ABR: variants seen among roughly 807,000 people sequenced by gnomAD.
The protein encoded by ABR is ABR activator of RhoGEF and GTPase, also known as active breakpoint cluster region-related protein.
In ABR, 35 loss-of-function variants were observed where a neutral mutation model predicts 107.2. The ratio of observed to expected loss-of-function variants is 0.33; its 90% CI spans 0.25 to 0.43. The LOEUF (loss-of-function observed/expected upper bound fraction) is 0.43, where lower values mean the gene tolerates loss of function less well. Ranked by LOEUF, ABR falls within the 20% of genes least tolerant of loss-of-function variation. The pLI is 1.00. For synonymous variants in ABR, 498 were observed against 462.0 expected (o/e 1.08, Z -1.00); for missense variants, 815 against 1,115.2 (o/e 0.73, Z 3.83).
chr17:1,189,753 C>A (rs2042392733), upstream of ABR, among the ~76,000 whole-genome samples: 1 of 152,140 alleles, frequency 6.6e-6, no homozygotes, highest in Non-Finnish European at 1.5e-5. Flanking sequence ...AGGCCTGCGT[C>A]GTTCCCTGCT....
intron 16 of ABR, among the ~76,000 whole-genome samples, chr17:1,047,242 C>A (rs998421598): frequency 1.3e-5 from 2 of 152,268 alleles, no homozygotes; most frequent in Non-Finnish European, 2.9e-5. Context: ...CGCCTGCTGG[C>A]GGGCAGAAAG....
chr17:1,169,922 C>T (rs1294141414), intron 1 of ABR, among the ~76,000 whole-genome samples: 1 of 151,462 alleles, frequency 6.6e-6, no homozygotes, highest in Non-Finnish European at 1.5e-5. Context: ...ATCCCAACCG[C>T]CAAAGTCTAT....
intron 2 of ABR, among the ~76,000 whole-genome samples, chr17:1,102,703 C>T (rs1033656545): frequency 2.6e-5 from 4 of 152,114 alleles, no homozygotes; most frequent in African/African-American, 9.7e-5. Flanking sequence ...TTTAATTAAT[C>T]TATTTATTTA....
intron 1 of ABR, among the ~76,000 whole-genome samples, chr17:1,223,563 G>A (rs182394613): frequency 2.9e-4 from 44 of 152,132 alleles, no homozygotes; most frequent in African/African-American, 9.6e-4. Context: ...TCCAGGCCTC[G>A]TGATTCTCAT....
chr17:1,043,516 C>G (rs758513032), intron 16 of ABR, among the ~76,000 whole-genome samples: 52 of 151,876 alleles, frequency 3.4e-4, no homozygotes, highest in Middle Eastern at 6.8e-3. Context: ...TATTTCACTA[C>G]AATCTTTTAT....
At chr17:1,195,817 T>TAAAA (rs1438413543) in intron 1 of ABR, among the ~76,000 whole-genome samples, 1 of 124,812 alleles carries the variant, frequency 8.0e-6, no homozygotes, top group South Asian at 2.6e-4. Context: ...AAAAAAAAAT[T>TAAAA]ATTGGCCGGC....
chr17:1,221,070 G>A lies in ABR; in HGVS notation c.838+7723C>T, dbSNP rs558098647. On this transcript the variant is annotated intron_variant, in intron 1 of 22. Coordinates refer to the ABR transcript ENST00000574139. ...AAGACAATTGTGCCGTGTGGGGCCC[G>A]CTCTAAGAACCGCAAGATGGGTTGG... Among the ~76,000 whole-genome samples, 11 of 152,272 alleles carry A rather than the reference G, an allele frequency of 7.2e-5. No individual in the cohort carries two copies. In the South Asian group the frequency reaches 2.1e-3, roughly 29 times the overall value.
intron 5 of ABR, 41 bp downstream of exon 5, chr17:1,083,479 G>A (rs1264956714): frequency 2.0e-6 from 3 of 1,486,868 alleles, no homozygotes; most frequent in East Asian, 2.3e-5. Flanking sequence ...AGCCCCCAAA[G>A]CTCCTTGTCC....
At chr17:1,114,267 C>G (rs935938270) in intron 2 of ABR, among the ~76,000 whole-genome samples, 3 of 145,198 alleles carry the variant, frequency 2.1e-5, no homozygotes, top group African/African-American at 2.6e-5. Flanking sequence ...TTCAGGAGTT[C>G]GTGACCAGCC....
At chr17:1,196,145 A>T (rs1248052408) in intron 1 of ABR, among the ~76,000 whole-genome samples, 1 of 137,686 alleles carries the variant, frequency 7.3e-6, no homozygotes, top group Non-Finnish European at 1.6e-5. Context: ...AAAAAAAAAA[A>T]TAGGCAAGGT....
At chr17:1,125,142 C>T (rs758304158) in intron 2 of ABR, 41 bp downstream of exon 2, 1 of 1,527,176 alleles carries the variant, frequency 6.5e-7, no homozygotes, top group Non-Finnish European at 8.8e-7. Context: ...GCCTTCCCGT[C>T]ACCCCTCCCC....
chr17:1,117,811 G>GT (rs201149105), intron 2 of ABR, among the ~76,000 whole-genome samples: 29 of 27,560 alleles, frequency 1.1e-3, no homozygotes, highest in East Asian at 5.4e-3. Flanking sequence ...CTGAGCCTGA[G>GT]TCCTCCCAGC....
chr17:1,081,147 T>C (rs570134329), intron 5 of ABR, among the ~76,000 whole-genome samples: 170 of 152,254 alleles, frequency 1.1e-3, no homozygotes, highest in African/African-American at 3.8e-3. Flanking sequence ...TGGGCGGCCT[T>C]GGCAGGGCTG....
chr17:1,006,209 C>T, intron 22 of ABR, 40 bp from the exon 23 acceptor site: 1 of 1,511,400 alleles, frequency 6.6e-7, no homozygotes, highest in South Asian at 1.2e-5. Flanking sequence ...GCTCCCTGTC[C>T]TAGGCCTCGT....
chr17:1,155,511 G>A (rs1168126053), intron 1 of ABR, among the ~76,000 whole-genome samples: 2 of 152,084 alleles, frequency 1.3e-5, no homozygotes, highest in Non-Finnish European at 1.5e-5. Context: ...TCTTACATAC[G>A]ACACCAGAAG....
Position 1,030,773 on chromosome 17 carries a change from C to T in ABR, c.1792-17609G>A, listed in dbSNP as rs527883581. ...CCCCACCACGGACTGGCCAAGGCCT[C>T]CCTTGTTGCTCTCTTGATGGATGGG... is the stretch of plus-strand genomic sequence containing the variant. On this transcript the variant is annotated intron_variant, in intron 16 of 22. Coordinates refer to ENST00000302538, the MANE Select transcript of ABR (RefSeq NM_021962.5). 4.6e-5 allele frequency among the ~76,000 whole-genome samples: 7 copies of T among 152,370 alleles called. No individual in the cohort carries two copies. In the East Asian group the frequency reaches 1.4e-3, roughly 29 times the overall value.
intron 16 of ABR, among the ~76,000 whole-genome samples, chr17:1,013,368 G>A (rs2070814377): frequency 6.7e-6 from 1 of 148,714 alleles, no homozygotes. Context: ...GGGGAGGCAG[G>A]GCACACCCTG....
chr17:1,195,138 T>C (rs1201365438), intron 1 of ABR, among the ~76,000 whole-genome samples: 29 of 143,808 alleles, frequency 2.0e-4, no homozygotes, highest in African/African-American at 6.3e-4. Flanking sequence ...AAACCCCGTC[T>C]CTACTAAAAA....
chr17:1,079,788 C>CAAAAAAAAAAAAAAAA (rs57412625), intron 5 of ABR, among the ~76,000 whole-genome samples: 15 of 55,112 alleles, frequency 2.7e-4, no homozygotes, highest in Non-Finnish European at 3.6e-4. Flanking sequence ...GACTCTGTCT[C>CAAAAAAAAAAAAAAAA]AAAAAAAAAA....
Sources: gnomAD v4.1 joint callset for allele counts (sites outside exome capture counted in the v4.1 genomes callset) on GRCh38, gnomAD v4.1.1 for gene constraint, MANE v1.5 for transcripts, NCBI Gene and HGNC (gene_info 2026-07-23, HGNC 2026-07-21) for gene names.